CCDC83: variants seen among roughly 807,000 people sequenced by gnomAD.
CCDC83 encodes coiled-coil domain containing 83, also known as coiled-coil domain-containing protein 83.
CCDC83 carries 54 observed loss-of-function variants against 50.1 expected under a neutral mutation model. The ratio of observed to expected loss-of-function variants is 1.08; its 90% CI spans 0.87 to 1.35. The LOEUF is 1.35. CCDC83 is among the 40% of genes most tolerant of loss of function. The pLI, the probability that CCDC83 is intolerant of heterozygous loss-of-function variation, is 0.00. For synonymous variants in CCDC83, 161 were observed against 153.3 expected, an observed-to-expected ratio of 1.05 and a Z score of -0.37; for missense variants, 518 against 473.9, an observed-to-expected ratio of 1.09 and a Z score of -0.86.
In CCDC83 at chr11:85,865,781, G is replaced by A. The variant is rs549203507; in HGVS notation, c.95+563G>A. ...CGCGTGCCTGTAATCCCAGCTTCTC[G>A]GGAGACTGAGGCAGGAGAATTGCTC... On this transcript the variant is annotated intron_variant, in intron 2 of 10. Coordinates refer to ENST00000342404, the MANE Select transcript of CCDC83 (RefSeq NM_001286159.2). 3.9e-5 allele frequency among the ~76,000 whole-genome samples: 6 copies of A among 152,020 alleles called. No individual in the cohort carries two copies. In the East Asian group the frequency reaches 1.2e-3, roughly 29 times the overall value.
At chr11:85,857,554 A>G (rs891091597) in intron 1 of CCDC83, among the ~76,000 whole-genome samples, 19 of 152,214 alleles carry the variant, frequency 1.2e-4, no homozygotes, top group Admixed American at 8.5e-4. Context: ...CAAGGAGACC[A>G]TGATTGGGGT....
At chr11:85,890,812 T>C (rs2093347618) in intron 5 of CCDC83, among the ~76,000 whole-genome samples, 1 of 152,216 alleles carries the variant, frequency 6.6e-6, no homozygotes, top group Non-Finnish European at 1.5e-5. Flanking sequence ...GAAGTTTAAA[T>C]TGTTGCAATA....
At position 85,895,326 on chromosome 11, in the gene CCDC83, A is replaced by G. The variant is rs941519452; in HGVS notation, c.545A>G (p.Lys182Arg). 8 of 1,556,866 alleles carry G rather than the reference A, an allele frequency of 5.1e-6. No individual in the cohort carries two copies. The African/African-American group carries it at 5.5e-5, about 11-fold the overall frequency. Reference sequence around the variant, plus strand: ...AAAATCACTCTGGAAGATACTAGAAAGAAAATAATCAAGGAAACTTTGTTG... The same window carrying G: ...AAAATCACTCTGGAAGATACTAGAAGGAAAATAATCAAGGAAACTTTGTTG... ...HYKITLEDTR[K>R]KIIKETLLQL... The change falls in exon 6 of 11, where the codon AAG becomes AGG. Residue 182 changes from lysine (K) to arginine (R), a missense_variant. Lys to Arg is a conservative substitution (Grantham distance 26). Transcript: ENST00000342404.
chr11:85,868,086 G>C (rs1339764794), intron 2 of CCDC83, among the ~76,000 whole-genome samples: 1 of 152,210 alleles, frequency 6.6e-6, no homozygotes, highest in African/African-American at 2.4e-5. Flanking sequence ...ATAGTAGATA[G>C]TTAATTCATG....
At chr11:85,874,440 T>C (rs935030016) in intron 3 of CCDC83, among the ~76,000 whole-genome samples, 3 of 152,200 alleles carry the variant, frequency 2.0e-5, no homozygotes, top group Non-Finnish European at 2.9e-5. Context: ...CCTTAGCCCA[T>C]CATTTGGAGC....
At position 85,898,979 on chromosome 11, in the gene CCDC83, T is replaced by C. The variant is rs577145233; in HGVS notation, c.636T>C (p.Tyr212=). 4 of 1,612,718 alleles carry C rather than the reference T, an allele frequency of 2.5e-6. No homozygotes were observed. The South Asian group carries it at 4.4e-5, about 18-fold the overall frequency. The change falls in exon 7 of 11, where the codon TAT becomes TAC. Residue 212 remains tyrosine (Y), a synonymous_variant. Transcript: ENST00000342404. Reference sequence around the variant, plus strand: ...TAAAGCTCATTGACAAGGGCAGTTATCTAGAGATCTGGGAGAATGACTGGC... The same window carrying C: ...TAAAGCTCATTGACAAGGGCAGTTACCTAGAGATCTGGGAGAATGACTGGC... ...NAVKLIDKGS[Y]LEIWENDWLK... is the part of the protein sequence containing the mutation.
intron 10 of CCDC83, among the ~76,000 whole-genome samples, chr11:85,917,535 G>A (rs1316555342): frequency 6.6e-6 from 1 of 152,106 alleles, no homozygotes; most frequent in Non-Finnish European, 1.5e-5. Context: ...TTAAAACCTG[G>A]AGTATTAAGC....
intron 1 of CCDC83, among the ~76,000 whole-genome samples, chr11:85,861,496 A>T (rs958538709): frequency 1.3e-5 from 2 of 152,188 alleles, no homozygotes; most frequent in African/African-American, 4.8e-5. Context: ...CCTTGATGGA[A>T]TCTTATTCTG....
chr11:85,910,103 T>C (rs115102189), intron 7 of CCDC83, among the ~76,000 whole-genome samples: 109 of 152,252 alleles, frequency 7.2e-4, no homozygotes, highest in African/African-American at 2.6e-3. Context: ...GCCCAGGGAG[T>C]CCCTGCTTAG....
intron 1 of CCDC83, among the ~76,000 whole-genome samples, chr11:85,861,123 A>G (rs2093173781): frequency 6.6e-6 from 1 of 152,264 alleles, no homozygotes; most frequent in South Asian, 2.1e-4. Context: ...TGAATTCCCA[A>G]GATGAGGGTT....
intron 3 of CCDC83, among the ~76,000 whole-genome samples, chr11:85,879,221 G>A (rs550794926): frequency 7.2e-5 from 11 of 152,078 alleles, no homozygotes; most frequent in African/African-American, 2.7e-4. Flanking sequence ...AAATCTCAAA[G>A]ATTTTCTCCT....
At chr11:85,874,002 T>C (rs965309820) in intron 3 of CCDC83, among the ~76,000 whole-genome samples, 8 of 152,214 alleles carry the variant, frequency 5.3e-5, no homozygotes, top group African/African-American at 1.9e-4. Context: ...CTACAAATTT[T>C]AGTAGAGCCT....
At chr11:85,866,470 C>T (rs2093207290) in intron 2 of CCDC83, among the ~76,000 whole-genome samples, 1 of 151,968 alleles carries the variant, frequency 6.6e-6, no homozygotes, top group African/African-American at 2.4e-5. Flanking sequence ...GGTGGATGAG[C>T]CCAGGAGTTT....
chr11:85,909,060 A>G (rs1051250593), intron 7 of CCDC83, among the ~76,000 whole-genome samples: 2 of 152,202 alleles, frequency 1.3e-5, no homozygotes, highest in African/African-American at 4.8e-5. Context: ...CAGTCTCTCA[A>G]GTAGTGGGGA....
intron 3 of CCDC83, among the ~76,000 whole-genome samples, chr11:85,880,223 T>A (rs76387180): frequency 0.031 from 4,650 of 152,286 alleles, 168 homozygotes; most frequent in African/African-American, 0.086. Context: ...TACTATGCTG[T>A]CTTCCAATCC....
At chr11:85,898,800 C>A (rs537646856) in intron 6 of CCDC83, 147 bp from the exon 7 acceptor site, 3 of 647,732 alleles carry the variant, frequency 4.6e-6, no homozygotes, top group South Asian at 3.4e-5. Context: ...AAAGAATGAA[C>A]AACCAAACCA....
intron 8 of CCDC83, among the ~76,000 whole-genome samples, chr11:85,913,022 G>A (rs146006110): frequency 1.5e-3 from 235 of 152,330 alleles, no homozygotes; most frequent in Non-Finnish European, 1.3e-3. Context: ...TTACTGTGCA[G>A]TATATAATCT....
At chr11:85,870,787 AT>A (rs2093232649) in intron 2 of CCDC83, among the ~76,000 whole-genome samples, 1 of 152,212 alleles carries the variant, frequency 6.6e-6, no homozygotes, top group Non-Finnish European at 1.5e-5. Flanking sequence ...TGTAAACAAT[AT>A]GTTTCAATAT....
At chr11:85,875,238 T>C (rs2093262523) in intron 3 of CCDC83, among the ~76,000 whole-genome samples, 1 of 152,138 alleles carries the variant, frequency 6.6e-6, no homozygotes, top group African/African-American at 2.4e-5. Flanking sequence ...TAGGTATATG[T>C]AAAATAGGTG....
Sources: allele counts gnomAD v4.1 joint callset (sites outside exome capture counted in the v4.1 genomes callset), GRCh38; gene constraint gnomAD v4.1.1; transcripts MANE v1.5; gene names NCBI Gene and HGNC (gene_info 2026-07-23, HGNC 2026-07-21).